Variants in KLRG1 observed in about 807,000 individuals in gnomAD.
The protein encoded by KLRG1 is killer cell lectin-like receptor subfamily G member 1.
A neutral mutation model predicts 21.8 loss-of-function variants in KLRG1; 16 were observed. The observed-to-expected ratio is 0.73, with a 90% CI of 0.50 to 1.11. The LOEUF (loss-of-function observed/expected upper bound fraction) is 1.11, where lower values mean the gene tolerates loss of function less well. Among genes scored for constraint, KLRG1 ranks in the 50% most tolerant of loss-of-function variants. The pLI is 0.00. For missense variants in KLRG1, 173 were observed against 218.3 expected, an observed-to-expected ratio of 0.79 and a Z score of 1.31; for synonymous variants, 69 against 75.9, an observed-to-expected ratio of 0.91 and a Z score of 0.47.
intron 4 of KLRG1, 39 bp downstream of exon 4, chr12:9,009,114 G>A: frequency 6.7e-7 from 1 of 1,496,494 alleles, no homozygotes. Context: ...AGAGAGAGAG[G>A]AAAAAGGAAA....
intron 1 of KLRG1, among the ~76,000 whole-genome samples, chr12:8,956,340 G>A (rs1341478391): frequency 6.6e-6 from 1 of 152,194 alleles, no homozygotes; most frequent in Non-Finnish European, 1.5e-5. Context: ...GTGGACAGCA[G>A]GAATGAATGA....
chr12:9,124,296 C>A, the KLRG1 span, among the ~76,000 whole-genome samples: 1 of 152,166 alleles, frequency 6.6e-6, no homozygotes, highest in African/African-American at 2.4e-5. Flanking sequence ...GGAGCTCCGT[C>A]CCTTCTGAGT....
chr12:9,017,794 G>A, the KLRG1 span, among the ~76,000 whole-genome samples: 1 of 152,136 alleles, frequency 6.6e-6, no homozygotes, highest in Non-Finnish European at 1.5e-5. Context: ...GGAATGAAGG[G>A]CATTCACATT....
At chr12:9,149,852 A>G in the KLRG1 span, among the ~76,000 whole-genome samples, 1 of 152,212 alleles carries the variant, frequency 6.6e-6, no homozygotes, top group African/African-American at 2.4e-5. Context: ...GAAGATGATC[A>G]TAATTGCACT....
the KLRG1 span, chr12:9,165,353 G>A: frequency 5.6e-6 from 9 of 1,614,044 alleles, no homozygotes; most frequent in Non-Finnish European, 6.8e-6. Context: ...TCCTACCTCA[G>A]CCACACCTGA....
chr12:8,958,240 C>T (rs12812913), intron 1 of KLRG1, among the ~76,000 whole-genome samples: 1 of 151,886 alleles, frequency 6.6e-6, no homozygotes, highest in African/African-American at 2.4e-5. Flanking sequence ...GTTGAGGTAG[C>T]ACTGAGGTTC....
At chr12:8,994,258 G>T (rs1008590588) in intron 2 of KLRG1, among the ~76,000 whole-genome samples, 1 of 152,046 alleles carries the variant, frequency 6.6e-6, no homozygotes, top group Admixed American at 6.6e-5. Flanking sequence ...TAGAGATGAG[G>T]TTTCACCATG....
the KLRG1 span, among the ~76,000 whole-genome samples, chr12:9,055,291 C>A: frequency 6.6e-6 from 1 of 152,210 alleles, no homozygotes; most frequent in Admixed American, 6.5e-5. Flanking sequence ...CTAAAATAAA[C>A]CATTTCTTCT....
At chr12:9,119,098 T>A in the KLRG1 span, among the ~76,000 whole-genome samples, 1 of 152,204 alleles carries the variant, frequency 6.6e-6, no homozygotes, top group Non-Finnish European at 1.5e-5. Flanking sequence ...AGAAGATTGC[T>A]ACTAGACCAG....
At chr12:9,004,198 T>C (rs1038952378) in intron 3 of KLRG1, among the ~76,000 whole-genome samples, 1 of 152,252 alleles carries the variant, frequency 6.6e-6, no homozygotes, top group African/African-American at 2.4e-5. Context: ...GCATGATTTA[T>C]AGTCCTTTGG....
chr12:9,210,372 G>T, the KLRG1 span, among the ~76,000 whole-genome samples: 1 of 152,180 alleles, frequency 6.6e-6, no homozygotes, highest in East Asian at 1.9e-4. Context: ...ATATGTAAAG[G>T]GTCTATCAGG....
chr12:9,059,184 A>G, the KLRG1 span, among the ~76,000 whole-genome samples: 11 of 152,184 alleles, frequency 7.2e-5, no homozygotes, highest in Admixed American at 6.5e-4. Context: ...TGATTTGCAA[A>G]GCCATCTGTC....
chr12:8,978,664 CT>C (rs1565541237), intron 1 of KLRG1, among the ~76,000 whole-genome samples: 1 of 148,256 alleles, frequency 6.7e-6, no homozygotes, highest in African/African-American at 2.5e-5. Flanking sequence ...TTCTTTCTTT[CT>C]TTCTTTCTTT....
At chr12:9,177,634 A>T in the KLRG1 span, among the ~76,000 whole-genome samples, 7 of 152,366 alleles carry the variant, frequency 4.6e-5, no homozygotes, top group Admixed American at 4.6e-4. Context: ...AGGTACATAA[A>T]TGAACATGTA....
At chr12:9,012,035 G>C (rs1947639252), downstream of KLRG1, among the ~76,000 whole-genome samples, 1 of 152,164 alleles carries the variant, frequency 6.6e-6, no homozygotes, top group Non-Finnish European at 1.5e-5. Flanking sequence ...AACTTGAAAG[G>C]CAATCTAGGC....
the KLRG1 span, among the ~76,000 whole-genome samples, chr12:9,184,659 C>T: frequency 1.3e-5 from 2 of 152,302 alleles, no homozygotes; most frequent in South Asian, 4.1e-4. Context: ...CTGACATCAC[C>T]CATGGAAGTG....
At chr12:9,166,629 T>C in the KLRG1 span, among the ~76,000 whole-genome samples, 157 of 152,364 alleles carry the variant, frequency 1.0e-3, no homozygotes, top group African/African-American at 3.1e-3. Context: ...AATTTAATGA[T>C]TTACATTAAA....
the KLRG1 span, among the ~76,000 whole-genome samples, chr12:9,207,987 A>G: frequency 6.6e-6 from 1 of 152,144 alleles, no homozygotes; most frequent in Non-Finnish European, 1.5e-5. Context: ...ATCCAAAAGA[A>G]CTGTTCTGTG....
At chr12:9,040,944 G>A in the KLRG1 span, among the ~76,000 whole-genome samples, 4 of 152,206 alleles carry the variant, frequency 2.6e-5, no homozygotes, top group East Asian at 1.9e-4. Context: ...AGTGAATCAC[G>A]ACCACTGCCC....
Sources: gnomAD v4.1 joint callset for allele counts (sites outside exome capture counted in the v4.1 genomes callset) on GRCh38, gnomAD v4.1.1 for gene constraint, MANE v1.5 for transcripts, NCBI Gene and HGNC (gene_info 2026-07-23, HGNC 2026-07-21) for gene names.